Variants in RFX6 observed in about 807,000 individuals in gnomAD.
The protein encoded by RFX6 is DNA-binding protein RFX6.
RFX6 carries 50 observed loss-of-function variants against 110.8 expected under a neutral mutation model. The observed-to-expected ratio is 0.45, with a 90% CI of 0.36 to 0.57. The LOEUF (loss-of-function observed/expected upper bound fraction) is 0.57. RFX6 is among the 20% of genes least tolerant of loss of function. The pLI is 0.00. For missense variants in RFX6, 990 were observed against 1,127.0 expected, an observed-to-expected ratio of 0.88 and a Z score of 1.74; for synonymous variants, 383 against 411.2, an observed-to-expected ratio of 0.93 and a Z score of 0.83.
rs1774866942 is a variant in RFX6, at chr6:116,893,158, G to C, written c.567-829G>C. 2.6e-5 allele frequency among the ~76,000 whole-genome samples: 4 copies of C among 152,146 alleles called. No homozygotes were observed. In the South Asian group the frequency reaches 8.3e-4, roughly 32 times the overall value. ...ACAGTAGGTAGTGGTGCTTTATGGG[G>C]GATGGATGGTGGAGAGTGGAGACTG... is the stretch of plus-strand genomic sequence containing the variant. On this transcript the variant is annotated intron_variant, in intron 4 of 18. Coordinates refer to ENST00000332958, the MANE Select transcript of RFX6 (RefSeq NM_173560.4).
chr6:116,879,231 T>A (rs1354508829), intron 2 of RFX6, among the ~76,000 whole-genome samples: 1 of 151,942 alleles, frequency 6.6e-6, no homozygotes, highest in Non-Finnish European at 1.5e-5. Flanking sequence ...ATGAACATCA[T>A]ACTTATGTCT....
At chr6:116,916,458 T>C in intron 9 of RFX6, 144 bp downstream of exon 9, 1 of 674,066 alleles carries the variant, frequency 1.5e-6, no homozygotes, top group Non-Finnish European at 2.7e-6. Flanking sequence ...AAGCAAGCAA[T>C]TTAATAGTGC....
At chr6:116,901,818 AT>A (rs10706356) in intron 6 of RFX6, among the ~76,000 whole-genome samples, 59,073 of 151,904 alleles carry the variant, frequency 0.39, 11,683 homozygotes, top group South Asian at 0.44. Context: ...GAAGTTGAAG[AT>A]TTACACACTT....
intron 12 of RFX6, among the ~76,000 whole-genome samples, chr6:116,921,573 T>C (rs897390626): frequency 6.6e-6 from 1 of 152,126 alleles, no homozygotes; most frequent in Non-Finnish European, 1.5e-5. Context: ...TCGGGCACAC[T>C]TCAAGAGGCT....
intron 6 of RFX6, among the ~76,000 whole-genome samples, chr6:116,897,439 G>GT (rs1323328592): frequency 6.6e-6 from 1 of 152,068 alleles, no homozygotes; most frequent in Non-Finnish European, 1.5e-5. Flanking sequence ...AGCAAGAGGT[G>GT]TATCATGTTG....
intron 6 of RFX6, among the ~76,000 whole-genome samples, chr6:116,899,091 G>A (rs1004157989): frequency 3.3e-5 from 5 of 151,976 alleles, no homozygotes; most frequent in African/African-American, 9.7e-5. Context: ...TTAGAAGATT[G>A]TAAAATTTAA....
In RFX6 at chr6:116,877,281, C is replaced by T. The variant is rs2114656837; in HGVS notation, c.6C>T (p.Ala2=). 1 of 1,609,792 alleles carries T rather than the reference C, an allele frequency of 6.2e-7. No individual in the cohort carries two copies. Among genetic ancestry groups the T allele is most frequent in the Non-Finnish European group, 8.5e-7 (1 of 1,178,464 alleles). M[A]KVPELEDTFL... Reference sequence around the variant, plus strand: ...GGTGTCCGGCGGCCAGGAGGATGGCCAAGGTCCCGGAGCTGGAAGACACCT... The same window carrying T: ...GGTGTCCGGCGGCCAGGAGGATGGCTAAGGTCCCGGAGCTGGAAGACACCT... Residue 2 remains alanine (A), a synonymous_variant, in exon 1 of 19, where the codon GCC becomes GCT. Transcript: ENST00000332958.
intron 4 of RFX6, among the ~76,000 whole-genome samples, chr6:116,889,159 A>G (rs1354145325): frequency 6.6e-6 from 1 of 152,090 alleles, no homozygotes; most frequent in African/African-American, 2.4e-5. Flanking sequence ...CCCTTTATAT[A>G]TATTGTTTAC....
At chr6:116,923,258 T>G (rs1775641519) in intron 14 of RFX6, 34 bp downstream of exon 14, 1 of 967,752 alleles carries the variant, frequency 1.0e-6, no homozygotes, top group South Asian at 1.3e-5. Context: ...TGTTCTTACA[T>G]GAATTATATA....
intron 4 of RFX6, chr6:116,885,190 A>G (rs1271047249): frequency 1.3e-5 from 2 of 152,212 alleles, no homozygotes; most frequent in Non-Finnish European, 2.9e-5. Context: ...TTCCATGTAT[A>G]GCTGTGTGAC....
intron 9 of RFX6, among the ~76,000 whole-genome samples, chr6:116,916,758 A>G (rs970308236): frequency 2.6e-5 from 4 of 152,128 alleles, no homozygotes; most frequent in African/African-American, 9.6e-5. Context: ...TTCTCTTCTC[A>G]AACCAAATCA....
chr6:116,917,412 T>C (rs1048804842), intron 9 of RFX6, among the ~76,000 whole-genome samples: 19 of 152,014 alleles, frequency 1.2e-4, no homozygotes, highest in African/African-American at 4.3e-4. Flanking sequence ...CATTAATTGT[T>C]TGTAATGCTT....
chr6:116,902,361 A>AAAC (rs1159094084), intron 6 of RFX6, among the ~76,000 whole-genome samples: 1 of 151,994 alleles, frequency 6.6e-6, no homozygotes, highest in Non-Finnish European at 1.5e-5. Context: ...ATATAAAAGC[A>AAAC]AACAACAACA....
At chr6:116,911,701 A>C (rs1775356114) in intron 7 of RFX6, among the ~76,000 whole-genome samples, 1 of 152,212 alleles carries the variant, frequency 6.6e-6, no homozygotes, top group Non-Finnish European at 1.5e-5. Flanking sequence ...GACCATTATT[A>C]AATTAGAGCA....
Position 116,927,494 on chromosome 6 carries a change from G to C in RFX6, c.2353G>C (p.Ala785Pro), listed in dbSNP as rs1213126863. The C allele has an allele frequency of 1.2e-6, 2 of 1,613,942 alleles. No homozygotes were observed. The highest frequency in any genetic ancestry group is 1.7e-6 in the Non-Finnish European group (2 of 1,179,970). Residue 785 changes from alanine to proline, a missense_variant, in exon 17 of 19, where the codon GCT becomes CCT. Ala to Pro is a conservative substitution (Grantham distance 27). Transcript: ENST00000332958. ...CTTCAATTTCTTGAGCAACACAGGA[G>C]CTGCCAGCTGCCAAGGAGCAACACT... ...GSFNFLSNTG[A>P]ASCQGATLPP...
At chr6:116,878,679 G>A (rs1774521791) in intron 2 of RFX6, among the ~76,000 whole-genome samples, 1 of 151,734 alleles carries the variant, frequency 6.6e-6, no homozygotes, top group Admixed American at 6.6e-5. Context: ...AGAAATAGGA[G>A]CATAAATTTC....
At chr6:116,915,683 A>T (rs1426643931) in intron 7 of RFX6, among the ~76,000 whole-genome samples, 2 of 152,080 alleles carry the variant, frequency 1.3e-5, no homozygotes, top group African/African-American at 4.8e-5. Flanking sequence ...AATTAATTTT[A>T]AAAAATTTAA....
chr6:116,916,470 C>T (rs762778806), intron 9 of RFX6, among the ~76,000 whole-genome samples, 156 bp downstream of exon 9: 11 of 151,692 alleles, frequency 7.3e-5, no homozygotes, highest in Admixed American at 2.0e-4. Flanking sequence ...TAATAGTGCA[C>T]GTTTAATAGT....
chr6:116,927,742 C>CTTTT (rs1775778525), intron 17 of RFX6, among the ~76,000 whole-genome samples: 1 of 121,230 alleles, frequency 8.2e-6, no homozygotes, highest in Non-Finnish European at 1.7e-5. Flanking sequence ...TGCCCTTCTT[C>CTTTT]CTTTTTTTTT....
Sources: allele counts gnomAD v4.1 joint callset (sites outside exome capture counted in the v4.1 genomes callset), GRCh38; gene constraint gnomAD v4.1.1; transcripts MANE v1.5; gene names NCBI Gene and HGNC (gene_info 2026-07-23, HGNC 2026-07-21).